CLTRN: variants seen among roughly 807,000 people sequenced by gnomAD.
The protein encoded by CLTRN is collectrin, amino acid transport regulator, also known as collectrin.
CLTRN carries 12 observed loss-of-function variants against 14.5 expected under a neutral mutation model. That is an observed-to-expected ratio of 0.83 (90% CI 0.53 to 1.34). The LOEUF is 1.34. CLTRN is among the 40% of genes most tolerant of loss of function. CLTRN has a pLI of 0.00. For missense variants in CLTRN, 154 were observed against 165.1 expected (o/e 0.93, Z 0.37); for synonymous variants, 58 against 56.5 (o/e 1.03, Z -0.12).
intron 1 of CLTRN, 141 bp downstream of exon 1, chrX:15,664,577 A>T (rs1929580025): frequency 1.0e-5 from 7 of 673,538 alleles, no homozygotes; most frequent in Non-Finnish European, 1.6e-5. Flanking sequence ...ATTTTCTTTC[A>T]AACTCATTAA....
intron 5 of CLTRN, among the ~76,000 whole-genome samples, chrX:15,632,212 G>C (rs147214574): frequency 0.086 from 9,567 of 111,509 alleles, 437 homozygotes; most frequent in Non-Finnish European, 0.13. Flanking sequence ...TTGAGGAACG[G>C]GGTTTGCTCT....
chrX:15,637,188 T>C (rs1365929362), intron 5 of CLTRN, among the ~76,000 whole-genome samples: 1 of 111,625 alleles, frequency 9.0e-6, no homozygotes, highest in Non-Finnish European at 1.9e-5. Flanking sequence ...ACAAAAACTA[T>C]GTTCATTATT....
At chrX:15,646,472 C>T (rs1214942531) in intron 3 of CLTRN, 5 of 249,803 alleles carry the variant, frequency 2.0e-5, no homozygotes, top group South Asian at 3.8e-5. Context: ...ACCCCCCCGC[C>T]CGACCCCCGC....
At chrX:15,673,771 T>C (rs763694467) in intron 1 of CLTRN, among the ~76,000 whole-genome samples, 19 of 112,446 alleles carry the variant, frequency 1.7e-4, no homozygotes, top group Admixed American at 9.4e-5. Context: ...CTGGCATATG[T>C]AGAAGTGTAT....
In CLTRN at chrX:15,656,324, G is replaced by A. The variant is rs1484466926; in HGVS notation, c.203+2692C>T. ...GACCAAACTTGATATAAGAGATGTTGTAGATATCACCCTGGGTAAAAGGTG... is the reference window on the plus strand; with the variant it reads ...GACCAAACTTGATATAAGAGATGTTATAGATATCACCCTGGGTAAAAGGTG... On this transcript the variant is annotated intron_variant, in intron 3 of 5. Coordinates refer to ENST00000380342, the MANE Select transcript of CLTRN (RefSeq NM_020665.6). Among the ~76,000 whole-genome samples, 3 of 112,503 alleles carry A rather than the reference G, an allele frequency of 2.7e-5. No individual in the cohort carries two copies. The Admixed American group carries it at 2.8e-4, about 11-fold the overall frequency.
At chrX:15,659,213 C>G (rs866507792) in intron 2 of CLTRN, 112 bp from the exon 3 acceptor site, 1 of 314,706 alleles carries the variant, frequency 3.2e-6, no homozygotes, top group South Asian at 4.5e-5. Flanking sequence ...CACACACACA[C>G]GCACACACAC....
At chrX:15,672,488 T>G (rs1247637631) in intron 1 of CLTRN, among the ~76,000 whole-genome samples, 1 of 104,486 alleles carries the variant, frequency 9.6e-6, no homozygotes, top group African/African-American at 3.5e-5. Context: ...AACAGGTACT[T>G]CTTTTGCCAA....
At chrX:15,646,583 C>T (rs2147203471) in intron 3 of CLTRN, 2 of 338,326 alleles carry the variant, frequency 5.9e-6, no homozygotes, top group East Asian at 9.8e-5. Context: ...GGGTCTGCAT[C>T]CAGCCCCTCC....
upstream of CLTRN, chrX:15,664,808 GA>G (rs751218884): frequency 3.3e-4 from 358 of 1,092,661 alleles, no homozygotes; most frequent in Admixed American, 5.3e-4. Context: ...GGCAAAGTGA[GA>G]AAAAAAAAAT....
intron 3 of CLTRN, among the ~76,000 whole-genome samples, chrX:15,649,657 G>A (rs1447319017): frequency 9.0e-6 from 1 of 110,766 alleles, no homozygotes; most frequent in Non-Finnish European, 1.9e-5. Flanking sequence ...TCACCACACT[G>A]ATTATCTCTC....
At chrX:15,654,128 A>G (rs1468398472) in intron 3 of CLTRN, among the ~76,000 whole-genome samples, 5 of 111,950 alleles carry the variant, frequency 4.5e-5, no homozygotes, top group African/African-American at 6.5e-5. Context: ...AATCAAAAGG[A>G]CTAAATAGGC....
chrX:15,636,595 A>G (rs1928824031), intron 5 of CLTRN, among the ~76,000 whole-genome samples: 1 of 111,905 alleles, frequency 8.9e-6, no homozygotes, highest in Non-Finnish European at 1.9e-5. Flanking sequence ...TAAAACAAGC[A>G]TTTAATAAAA....
intron 4 of CLTRN, among the ~76,000 whole-genome samples, chrX:15,641,636 C>CTGTGTGTGTGTGTGTGTG (rs56407617): frequency 2.3e-5 from 2 of 88,478 alleles, no homozygotes; most frequent in African/African-American, 8.7e-5. Context: ...CCACACCTGG[C>CTGTGTGTGTGTGTGTGTG]TGTGTGTGTG....
At chrX:15,639,516 G>A (rs780802112) in intron 5 of CLTRN, 46 bp downstream of exon 5, 1 of 1,107,867 alleles carries the variant, frequency 9.0e-7, no homozygotes. Context: ...CAAGTCATGA[G>A]GAAATAAGAA....
intron 4 of CLTRN, among the ~76,000 whole-genome samples, chrX:15,641,562 T>C (rs1044548228): frequency 9.1e-6 from 1 of 110,191 alleles, no homozygotes; most frequent in Non-Finnish European, 1.9e-5. Flanking sequence ...AGCCTCAAAC[T>C]CCTGGGCTCA....
At chrX:15,639,183 A>G (rs1376287098) in intron 5 of CLTRN, among the ~76,000 whole-genome samples, 1 of 112,112 alleles carries the variant, frequency 8.9e-6, no homozygotes, top group Non-Finnish European at 1.9e-5. Flanking sequence ...GAGGCATGCA[A>G]CTATGAACCT....
At chrX:15,665,211 C>T (rs189254332), upstream of CLTRN, among the ~76,000 whole-genome samples, 20 of 111,527 alleles carry the variant, frequency 1.8e-4, 2 homozygotes, top group South Asian at 3.0e-3. Context: ...AGGAAACAAA[C>T]GTGACTCCCT....
At chrX:15,628,258 A>G (rs1336352065) in intron 5 of CLTRN, 131 bp from the exon 6 acceptor site, 48 of 434,683 alleles carry the variant, frequency 1.1e-4, no homozygotes, top group Non-Finnish European at 4.8e-5. Context: ...ATTTAATGAT[A>G]TTGTGTAATT....
upstream of CLTRN, among the ~76,000 whole-genome samples, chrX:15,668,037 G>T (rs1446981665): frequency 8.9e-6 from 1 of 112,208 alleles, no homozygotes; most frequent in Non-Finnish European, 1.9e-5. Context: ...CTCAATATTT[G>T]TGTTCTCATT....
Sources: gnomAD v4.1 joint callset for allele counts (sites outside exome capture counted in the v4.1 genomes callset) on GRCh38, gnomAD v4.1.1 for gene constraint, MANE v1.5 for transcripts, NCBI Gene and HGNC (gene_info 2026-07-23, HGNC 2026-07-21) for gene names.